The following DNAJC1 variants were observed in gnomAD, a reference collection of about 807,000 sequenced individuals.
DNAJC1 encodes DnaJ heat shock protein family (Hsp40) member C1.
DNAJC1 carries 58 observed loss-of-function variants against 76.6 expected under a neutral mutation model. The observed-to-expected ratio is 0.76, with a 90% confidence interval of 0.61 to 0.94. The LOEUF (loss-of-function observed/expected upper bound fraction) is 0.94, where lower values mean the gene tolerates loss of function less well. Among genes scored for constraint, DNAJC1 ranks in the 40% least tolerant of loss-of-function variants. The pLI, the probability that DNAJC1 is intolerant of heterozygous loss-of-function variation, is 0.00. For synonymous variants in DNAJC1, 258 were observed against 267.9 expected, an observed-to-expected ratio of 0.96 and a Z score of 0.36; for missense variants, 689 against 677.3, an observed-to-expected ratio of 1.02 and a Z score of -0.19.
chr10:21,766,706 C>T, intron 9 of DNAJC1, among the ~76,000 whole-genome samples: 1 of 152,078 alleles, frequency 6.6e-6, no homozygotes, highest in Non-Finnish European at 1.5e-5. Flanking sequence ...CATGGTGGCT[C>T]ATGCCTGCAA....
intron 8 of DNAJC1, among the ~76,000 whole-genome samples, chr10:21,870,659 C>T (rs574862841): frequency 6.6e-6 from 1 of 152,172 alleles, no homozygotes; most frequent in South Asian, 2.1e-4. Context: ...CCTGTAGTCC[C>T]AGCTACTTGG....
chr10:21,785,125 CA>C (rs1303481534), intron 9 of DNAJC1, among the ~76,000 whole-genome samples: 1 of 152,134 alleles, frequency 6.6e-6, no homozygotes, highest in Non-Finnish European at 1.5e-5. Context: ...GTGGCCAAAG[CA>C]AGGAAACAGC....
chr10:21,881,844 TA>T (rs1002377641), intron 8 of DNAJC1, among the ~76,000 whole-genome samples: 2,286 of 55,408 alleles, frequency 0.041, 27 homozygotes, highest in Middle Eastern at 0.11. Flanking sequence ...CCTCAATTTG[TA>T]AAAAAAAAAA....
intron 1 of DNAJC1, among the ~76,000 whole-genome samples, chr10:21,999,351 T>A (rs1051236167): frequency 6.6e-6 from 1 of 152,192 alleles, no homozygotes; most frequent in Non-Finnish European, 1.5e-5. Context: ...TGAAACACTT[T>A]TTTCACTTGA....
chr10:21,756,758 G>A lies in DNAJC1; in HGVS notation c.1597-3C>T. On this transcript the variant is annotated splice_region_variant and splice_polypyrimidine_tract_variant and intron_variant, in intron 11 of 11. Transcript: ENST00000376980. ...TTGTACCTAGCGATACAGTCTTCCT[G>A]TAGGAAGAAAAAAAGAGAGGTGAGA... is the stretch of plus-strand genomic sequence containing the variant. 6.2e-7 allele frequency: 1 copy of A among 1,612,478 alleles called. No individual in the cohort carries two copies. The highest frequency in any genetic ancestry group is 8.5e-7 in the Non-Finnish European group (1 of 1,179,744).
At chr10:21,844,269 T>A (rs968741895) in intron 8 of DNAJC1, among the ~76,000 whole-genome samples, 1 of 116,984 alleles carries the variant, frequency 8.5e-6, no homozygotes. Flanking sequence ...CCTGGCTAAT[T>A]TTTTTTTTTT....
At chr10:21,957,977 T>C (rs1362398554) in intron 1 of DNAJC1, among the ~76,000 whole-genome samples, 1 of 152,180 alleles carries the variant, frequency 6.6e-6, no homozygotes, top group East Asian at 1.9e-4. Flanking sequence ...TCCATTCACA[T>C]ATTTCTCTAC....
At chr10:21,950,488 A>T (rs1287042918) in intron 1 of DNAJC1, among the ~76,000 whole-genome samples, 1 of 152,136 alleles carries the variant, frequency 6.6e-6, no homozygotes, top group Non-Finnish European at 1.5e-5. Context: ...ACACAACAAT[A>T]TTGAAATTAG....
Position 21,882,348 on chromosome 10 carries a change from G to A in DNAJC1, c.912C>T (p.Ser304=). The A allele has an allele frequency of 2.5e-6, 4 of 1,603,146 alleles. No homozygotes were observed. The highest frequency in any genetic ancestry group is 3.4e-6 in the Non-Finnish European group (4 of 1,176,368). ...CCATTTGTTCCTCAATTTCTTCTATGGAAGTTCCATGATCATAAGACTGAA... is the reference window on the plus strand; with the variant it reads ...CCATTTGTTCCTCAATTTCTTCTATAGAAGTTCCATGATCATAAGACTGAA... ...TYIQSYDHGT[S]IEEIEEQMDD... The change falls in exon 8 of 12, where the codon TCC becomes TCT. Residue 304 remains serine, a synonymous_variant. Coordinates refer to ENST00000376980, the MANE Select transcript of DNAJC1 (RefSeq NM_022365.4).
At chr10:21,982,923 C>T (rs544241554) in intron 1 of DNAJC1, among the ~76,000 whole-genome samples, 86 of 152,144 alleles carry the variant, frequency 5.7e-4, no homozygotes, top group African/African-American at 1.6e-3. Context: ...GGCATGATGG[C>T]GCACATCTAT....
chr10:21,872,582 A>T (rs1224744658), intron 8 of DNAJC1, among the ~76,000 whole-genome samples: 3 of 152,234 alleles, frequency 2.0e-5, no homozygotes, highest in African/African-American at 4.8e-5. Context: ...GAAATGAAAG[A>T]ATCAGCAAAC....
At position 21,904,541 on chromosome 10, in the gene DNAJC1, A is replaced by G. The variant is rs1375880422; in HGVS notation, c.801T>C (p.Thr267=). 3 of 1,583,988 alleles carry G rather than the reference A, an allele frequency of 1.9e-6. No individual in the cohort carries two copies. The highest frequency in any genetic ancestry group is 2.6e-6 in the Non-Finnish European group (3 of 1,166,386). Residue 267 remains threonine, a synonymous_variant, in exon 7 of 12, where the codon ACT becomes ACC. Transcript: ENST00000376980. ...ACTCACTTTGAAGTGTTTCAAGTTC[A>G]GTTCTAGTCAGTGCATCTTCCTTTT... The part of the protein sequence containing the change: ...LKEKEDALTR[T]ELETLQKQKK...
chr10:21,859,542 T>C (rs77156179), intron 8 of DNAJC1, among the ~76,000 whole-genome samples: 1,778 of 152,224 alleles, frequency 0.012, 30 homozygotes, highest in African/African-American at 0.041. Context: ...CTATGGTATT[T>C]TTCTGGTATT....
rs139838315 is a variant in DNAJC1 at position 21,920,880 on chromosome 10, G to A, written c.455C>T (p.Ala152Val). The A allele has an allele frequency of 2.5e-6, 4 of 1,612,924 alleles. No individual in the cohort carries two copies. The African/African-American group carries it at 5.3e-5, about 22-fold the overall frequency. ...YYRRVRKMSN[A>V]ELALLLFIIL... The stretch of plus-strand genomic sequence containing the variant: ...AATGAACAAGAGTAATGCCAGCTCA[G>A]CATTGCTCATTTTTCTCACCCGCCT... The change falls in exon 4 of 12, where the codon GCT becomes GTT. Residue 152 changes from alanine (A) to valine (V), a missense_variant. Ala to Val is a moderately conservative substitution (Grantham distance 64). Transcript: ENST00000376980.
intron 8 of DNAJC1, among the ~76,000 whole-genome samples, chr10:21,859,043 T>G (rs1010583894): frequency 7.9e-5 from 12 of 152,230 alleles, no homozygotes; most frequent in Admixed American, 4.6e-4. Flanking sequence ...TCAGTTATAA[T>G]TTTTAAAATT....
In DNAJC1 at chr10:21,919,900, T is replaced by G; in HGVS notation, c.567A>C (p.Glu189Asp). The change falls in exon 5 of 12, where the codon GAA becomes GAC. Residue 189 changes from glutamate (E) to aspartate (D), a missense_variant. Glu to Asp is a conservative substitution (Grantham distance 45). Coordinates refer to ENST00000376980, the MANE Select transcript of DNAJC1 (RefSeq NM_022365.4). ...TCTTGCTGCCAGTCTTTTTTTTCTT[T>G]TCTCTCTTTTTTCTACTTAGTAGTT... is the stretch of plus-strand genomic sequence containing the variant. ...LDELLSRKKR[E>D]KKKKTGSKSV... is the part of the protein sequence containing the mutation. 6.2e-7 allele frequency: 1 copy of G among 1,607,486 alleles called. No individual in the cohort carries two copies. The highest frequency in any genetic ancestry group is 8.5e-7 in the Non-Finnish European group (1 of 1,178,324).
chr10:21,924,330 C>G (rs972837922), intron 3 of DNAJC1, among the ~76,000 whole-genome samples: 1 of 152,002 alleles, frequency 6.6e-6, no homozygotes, highest in East Asian at 1.9e-4. Flanking sequence ...CGTTTAACAG[C>G]ATTTGTAAAT....
chr10:21,772,271 CT>C (rs398045895), intron 9 of DNAJC1, among the ~76,000 whole-genome samples: 79 of 93,056 alleles, frequency 8.5e-4, no homozygotes, highest in Admixed American at 1.8e-3. Flanking sequence ...CACCCCTCTT[CT>C]TTTTTTTTTT....
At chr10:21,792,532 G>A (rs187012558) in intron 9 of DNAJC1, among the ~76,000 whole-genome samples, 15 of 151,968 alleles carry the variant, frequency 9.9e-5, no homozygotes, top group Non-Finnish European at 1.5e-4. Flanking sequence ...TGAGGTGGGC[G>A]GATCACTTGA....
Sources: gnomAD v4.1 joint callset for allele counts (sites outside exome capture counted in the v4.1 genomes callset) on GRCh38, gnomAD v4.1.1 for gene constraint, MANE v1.5 for transcripts, NCBI Gene and HGNC (gene_info 2026-07-23, HGNC 2026-07-21) for gene names.